Variants in PLEKHA6 observed in about 807,000 individuals in gnomAD.
PLEKHA6 encodes pleckstrin homology domain-containing family A member 6.
Under a neutral mutation model 116.7 loss-of-function variants are expected in PLEKHA6, and 60 were observed. That is an observed-to-expected ratio of 0.51 (90% confidence interval 0.42 to 0.64). The LOEUF is 0.64. PLEKHA6 is among the 30% of genes least tolerant of loss of function. PLEKHA6 has a pLI of 0.00. For synonymous variants in PLEKHA6, 489 were observed against 556.1 expected (o/e 0.88, Z 1.70); for missense variants, 1,338 against 1,422.7 (o/e 0.94, Z 0.96).
chr1:204,223,835 G>T lies in PLEKHA6; in HGVS notation c.3032-250C>A, dbSNP rs1659971382. On this transcript the variant is annotated intron_variant, in intron 21 of 22. Coordinates refer to ENST00000272203, the MANE Select transcript of PLEKHA6 (RefSeq NM_014935.5). This position sits in a 1 kb window ranked among gnomAD's most constrained non-coding sequence, Gnocchi z 4.8. Reference sequence around the variant, plus strand: ...CTGCTGAGAACCAGTGTGACTGTGGGTAAGGCCAGGCCATCTCTGGGCAAA... The same window carrying T: ...CTGCTGAGAACCAGTGTGACTGTGGTTAAGGCCAGGCCATCTCTGGGCAAA... Among the ~76,000 whole-genome samples, 1 of 152,282 alleles carries T rather than the reference G, an allele frequency of 6.6e-6. No homozygotes were observed. Among genetic ancestry groups the T allele is most frequent in the South Asian group, 2.1e-4 (1 of 4,818 alleles).
Position 204,261,421 on chromosome 1 carries a change from A to C in PLEKHA6, c.409T>G (p.Phe137Val). 3 of 1,613,578 alleles carry C rather than the reference A, an allele frequency of 1.9e-6. No homozygotes were observed. Among genetic ancestry groups the C allele is most frequent in the Middle Eastern group, 1.7e-4 (1 of 6,052 alleles). Residue 137 changes from phenylalanine (F) to valine (V), a missense_variant, in exon 7 of 23, where the codon TTC (phenylalanine) becomes GTC (valine). Coordinates refer to ENST00000272203, the MANE Select transcript of PLEKHA6 (RefSeq NM_014935.5). The surrounding 1 kb of genome is among the most constrained non-coding windows in gnomAD (Gnocchi z 4.0). ...KAEHAGVRTY[F>V]FSAESPEEQE... is the part of the protein sequence containing the mutation. ...TCCTCGGGGCTCTCGGCACTGAAGA[A>C]GTAGGTGCGGACCCCGGCATGCTCA... is the stretch of plus-strand genomic sequence containing the variant.
chr1:204,325,721 T>G, intron 1 of PLEKHA6: 1 of 156,204 alleles, frequency 6.4e-6, no homozygotes, highest in Non-Finnish European at 1.4e-5. Context: ...CCCTGAGCCC[T>G]GAGAAAGTTC....
chr1:204,244,057 G>A (rs964836298), intron 15 of PLEKHA6, among the ~76,000 whole-genome samples: 3 of 151,828 alleles, frequency 2.0e-5, no homozygotes, highest in East Asian at 1.9e-4. Flanking sequence ...TCCTGACCTC[G>A]TGATCCACCC....
In PLEKHA6 at chr1:204,257,293, TG is replaced by T; in HGVS notation, c.1524+59del. ...CACATCTCTGCCTTTTCTCAGTAGA[TG>T]GTCTTAGGCTTCTGGGGACCTCAGG... is the stretch of plus-strand genomic sequence containing the variant. On this transcript the variant is annotated intron_variant, in intron 9 of 22. Coordinates refer to ENST00000272203, the MANE Select transcript of PLEKHA6 (RefSeq NM_014935.5). The surrounding 1 kb of genome is among the most constrained non-coding windows in gnomAD (Gnocchi z 6.5). The T allele has an allele frequency of 1.4e-6, 2 of 1,470,850 alleles. No individual in the cohort carries two copies. The highest frequency in any genetic ancestry group is 1.9e-6 in the Non-Finnish European group (2 of 1,076,554). The allele number at this position is 1,470,850 out of a possible 1,614,324, so 91.1% of individuals were successfully genotyped here.
intron 1 of PLEKHA6, among the ~76,000 whole-genome samples, chr1:204,298,981 G>A (rs1670554614): frequency 1.3e-5 from 2 of 152,234 alleles, no homozygotes; most frequent in Admixed American, 6.5e-5. Context: ...AGCACACAGA[G>A]AGGGGCAAAG....
chr1:204,265,804 T>C (rs1218718698), intron 5 of PLEKHA6, among the ~76,000 whole-genome samples: 1 of 152,122 alleles, frequency 6.6e-6, no homozygotes, highest in Admixed American at 6.5e-5. Flanking sequence ...GCTCCCTGCA[T>C]GGAGTGCTCT....
At chr1:204,285,261 G>A (rs1211654502) in intron 1 of PLEKHA6, among the ~76,000 whole-genome samples, 6 of 152,170 alleles carry the variant, frequency 3.9e-5, no homozygotes, top group African/African-American at 1.4e-4. Flanking sequence ...CCTTCCACCA[G>A]CTGATGAGCT....
intron 17 of PLEKHA6, among the ~76,000 whole-genome samples, chr1:204,239,950 G>A (rs1442373501): frequency 1.3e-5 from 2 of 152,138 alleles, no homozygotes; most frequent in South Asian, 4.1e-4. Flanking sequence ...TGGCCTACGG[G>A]TCTTCGTTCC....
chr1:204,350,202 T>G (rs1480021567), intron 1 of PLEKHA6, among the ~76,000 whole-genome samples: 1 of 152,152 alleles, frequency 6.6e-6, no homozygotes, highest in Non-Finnish European at 1.5e-5. Context: ...GCACGTGTAG[T>G]CCCAGCTCCT....
At chr1:204,275,782 G>C (rs1284289771) in intron 1 of PLEKHA6, 9 of 878,822 alleles carry the variant, frequency 1.0e-5, no homozygotes, top group Non-Finnish European at 1.1e-5. Context: ...TGTAGCAGTG[G>C]AGATTCAAGC....
intron 1 of PLEKHA6, among the ~76,000 whole-genome samples, chr1:204,352,626 T>C (rs935480742): frequency 4.6e-5 from 7 of 152,190 alleles, no homozygotes; most frequent in Non-Finnish European, 1.0e-4. Context: ...GTAGCATATG[T>C]CTGTATCATA....
intron 17 of PLEKHA6, among the ~76,000 whole-genome samples, chr1:204,234,466 G>A (rs2102476475): frequency 6.6e-6 from 1 of 152,270 alleles, no homozygotes; most frequent in East Asian, 1.9e-4. Context: ...CCTTGGATCA[G>A]CACATTTGAC....
intron 1 of PLEKHA6, among the ~76,000 whole-genome samples, chr1:204,344,823 G>T (rs979575819): frequency 6.6e-6 from 1 of 152,118 alleles, no homozygotes; most frequent in African/African-American, 2.4e-5. Flanking sequence ...CAATCCTTCA[G>T]CCAGTGACTG....
intron 1 of PLEKHA6, among the ~76,000 whole-genome samples, chr1:204,345,727 C>T (rs1673017725): frequency 6.6e-6 from 1 of 152,108 alleles, no homozygotes. Context: ...GTCCCCTCTT[C>T]CCCCACACTA....
At chr1:204,370,990 G>T (rs1673762379) in intron 2 of PLEKHA6, among the ~76,000 whole-genome samples, 1 of 149,338 alleles carries the variant, frequency 6.7e-6, no homozygotes, top group African/African-American at 2.5e-5. Flanking sequence ...GGAGGCAGAG[G>T]TTGCAGTGAG....
intron 2 of PLEKHA6, chr1:204,369,117 C>A (rs1196349593): frequency 6.6e-6 from 1 of 152,258 alleles, no homozygotes; most frequent in Non-Finnish European, 1.5e-5. Context: ...AAGCCCAGCT[C>A]CTGCCAGGAC....
chr1:204,266,820 C>T (rs752432733), intron 5 of PLEKHA6, among the ~76,000 whole-genome samples: 2 of 152,202 alleles, frequency 1.3e-5, no homozygotes, highest in African/African-American at 4.8e-5. Context: ...CCTATTTCCT[C>T]CCCTGCATCC....
Position 204,250,619 on chromosome 1 carries a change from A to G in PLEKHA6, c.1525-5T>C, listed in dbSNP as rs747325972. 6.2e-7 allele frequency: 1 copy of G among 1,608,036 alleles called. No individual in the cohort carries two copies. Among genetic ancestry groups the G allele is most frequent in the Admixed American group, 1.7e-5 (1 of 60,002 alleles). ...CACTTCTGGGTATGGAGGGACCTGCAGGAACATGAGGCCGGTTACTGCAGC... is the reference window on the plus strand; with the variant it reads ...CACTTCTGGGTATGGAGGGACCTGCGGGAACATGAGGCCGGTTACTGCAGC... On this transcript the variant is annotated splice_region_variant and splice_polypyrimidine_tract_variant and intron_variant, in intron 9 of 22. Transcript: ENST00000272203.
intron 1 of PLEKHA6, chr1:204,313,645 T>G (rs1671747104): frequency 2.0e-6 from 2 of 984,466 alleles, no homozygotes; most frequent in South Asian, 9.4e-5. Context: ...CATATGATTC[T>G]CCACCTCCAT....
Sources: gnomAD v4.1 joint callset for allele counts (sites outside exome capture counted in the v4.1 genomes callset) on GRCh38, gnomAD v4.1.1 for gene constraint, Gnocchi (gnomAD v3.1) non-coding constraint, MANE v1.5 for transcripts, NCBI Gene and HGNC (gene_info 2026-07-23, HGNC 2026-07-21) for gene names.